Variants in SNRPA observed in about 807,000 individuals in gnomAD.
SNRPA encodes U1 small nuclear ribonucleoprotein A.
SNRPA carries 10 observed loss-of-function variants against 24.5 expected under a neutral mutation model. The observed-to-expected ratio is 0.41, with a 90% CI of 0.25 to 0.69. SNRPA has a LOEUF of 0.69. Ranked by LOEUF, SNRPA falls within the 30% of genes least tolerant of loss-of-function variation. The probability of loss-of-function intolerance (pLI) is 0.33; values close to 1 mark genes in which losing one functional copy is unlikely to be tolerated. For synonymous variants in SNRPA, 165 were observed against 148.4 expected (o/e 1.11, Z -0.81); for missense variants, 283 against 394.7 (o/e 0.72, Z 2.40).
chr19:40,761,814 C>T (rs2082934127), intron 3 of SNRPA, among the ~76,000 whole-genome samples: 1 of 152,014 alleles, frequency 6.6e-6, no homozygotes, highest in African/African-American at 2.4e-5. Flanking sequence ...GTCTAAATGA[C>T]CTTGGTGAGG....
intron 1 of SNRPA, among the ~76,000 whole-genome samples, chr19:40,756,688 G>A (rs1201411512): frequency 6.6e-6 from 1 of 152,020 alleles, no homozygotes; most frequent in Non-Finnish European, 1.5e-5. Context: ...CCTCAGGCAA[G>A]ATAGACAAGT....
Position 40,762,974 on chromosome 19 carries a change from CT to C in SNRPA, c.501del (p.Gly168ValfsTer2), listed in dbSNP as rs751075123. Reference sequence around the variant, plus strand: ...GGCCAGCCGCCCTACATGCCGCCCCCTGGTATGATCCCCCCGCCAGGCCTTG... The same window carrying C: ...GGCCAGCCGCCCTACATGCCGCCCCCGGTATGATCCCCCCGCCAGGCCTTG... The part of the protein sequence containing the change: ...MPGQPPYMPP[P>X]GMIPPPGLAP... On this transcript the variant is annotated frameshift_variant, in exon 4 of 6. Coordinates refer to ENST00000243563, the MANE Select transcript of SNRPA (RefSeq NM_004596.5). LOFTEE classifies it high-confidence loss of function. 5 of 1,613,346 alleles carry C rather than the reference CT, an allele frequency of 3.1e-6. No homozygotes were observed. Among genetic ancestry groups the C allele is most frequent in the Non-Finnish European group, 4.2e-6 (5 of 1,179,578 alleles).
intron 5 of SNRPA, among the ~76,000 whole-genome samples, 179 bp from the exon 6 acceptor site, chr19:40,764,829 T>C (rs1420658239): frequency 3.9e-5 from 6 of 152,220 alleles, no homozygotes; most frequent in Non-Finnish European, 5.9e-5. Flanking sequence ...TTAAATGCTA[T>C]GTTTACATTA....
intron 3 of SNRPA, among the ~76,000 whole-genome samples, chr19:40,760,107 A>G (rs1003050532): frequency 6.7e-6 from 1 of 149,206 alleles, no homozygotes; most frequent in African/African-American, 2.5e-5. Context: ...GCTCACTACA[A>G]CCTCCGCCTC....
chr19:40,759,408 C>A, intron 2 of SNRPA, 23 bp from the exon 3 acceptor site: 2 of 1,594,232 alleles, frequency 1.3e-6, no homozygotes, highest in South Asian at 2.2e-5. Flanking sequence ...CGCTCTTAAC[C>A]CGTTCTGCTC....
chr19:40,762,579 TTTTG>T (rs1048830413), intron 3 of SNRPA, among the ~76,000 whole-genome samples: 5 of 152,066 alleles, frequency 3.3e-5, no homozygotes, highest in Admixed American at 3.3e-4. Flanking sequence ...TCTCCTTTGA[TTTTG>T]TTTAAGAGAC....
Position 40,751,480 on chromosome 19 carries a change from T to C in SNRPA, c.72T>C (p.Asp24=), listed in dbSNP as rs766141575. ...INNLNEKIKK[D]ELKKSLYAIF... ...ACCTCAATGAGAAGATCAAGAAGGA[T>C]GGTGAGTTCTCGGGATAGTCCGGAG... The change falls in exon 1 of 6, where the codon GAT becomes GAC. Residue 24 remains aspartate, a splice_region_variant and synonymous_variant. Transcript: ENST00000243563. The C allele has an allele frequency of 5.2e-5, 84 of 1,611,152 alleles. 1 individual carries two copies. In the East Asian group the frequency reaches 1.9e-3, roughly 36 times the overall value.
At chr19:40,757,123 G>C (rs1225149512) in intron 1 of SNRPA, 1 of 576,406 alleles carries the variant, frequency 1.7e-6, no homozygotes, top group African/African-American at 1.9e-5. Context: ...TCATTATATA[G>C]CAGCTCTCTG....
At chr19:40,755,303 G>A (rs1201890790) in intron 1 of SNRPA, among the ~76,000 whole-genome samples, 1 of 140,486 alleles carries the variant, frequency 7.1e-6, no homozygotes, top group Non-Finnish European at 1.5e-5. Flanking sequence ...TCAAGACGGG[G>A]TTTCACCGTC....
chr19:40,754,016 T>G (rs2082897457), intron 1 of SNRPA, among the ~76,000 whole-genome samples: 1 of 151,342 alleles, frequency 6.6e-6, no homozygotes, highest in Non-Finnish European at 1.5e-5. Flanking sequence ...TTAGCCAGGA[T>G]GGTGTTGATT....
intron 1 of SNRPA, chr19:40,756,934 G>C (rs1302010193): frequency 4.3e-6 from 1 of 230,200 alleles, no homozygotes; most frequent in African/African-American, 2.4e-5. Context: ...GGCCAGTGTG[G>C]TTGGGAACTC....
At chr19:40,763,562 C>T in intron 4 of SNRPA, 25 bp from the exon 5 acceptor site, 1 of 1,602,416 alleles carries the variant, frequency 6.2e-7, no homozygotes. Context: ...CTCTTGTGCT[C>T]ACCGACTCCC....
intron 3 of SNRPA, among the ~76,000 whole-genome samples, chr19:40,761,469 T>TG (rs2082932378): frequency 9.0e-6 from 1 of 110,878 alleles, no homozygotes. Flanking sequence ...TTTTTTTTTT[T>TG]TTTTTTTTTT....
At chr19:40,751,559 C>T in intron 1 of SNRPA, 78 bp downstream of exon 1, 2 of 1,065,234 alleles carry the variant, frequency 1.9e-6, no homozygotes, top group East Asian at 2.4e-5. Flanking sequence ...ACCCGCCTCT[C>T]TTTCTAAGTG....
chr19:40,758,212 C>T (rs1312687241), intron 2 of SNRPA, among the ~76,000 whole-genome samples: 1 of 152,072 alleles, frequency 6.6e-6, no homozygotes, highest in African/African-American at 2.4e-5. Context: ...AGTGATCTGC[C>T]TGCCTCAGCC....
At chr19:40,753,905 C>T (rs1039046624) in intron 1 of SNRPA, among the ~76,000 whole-genome samples, 1 of 149,382 alleles carries the variant, frequency 6.7e-6, no homozygotes, top group African/African-American at 2.5e-5. Context: ...GGGTTCACGC[C>T]ATTCTCCTGC....
At chr19:40,761,042 A>G (rs1484826885) in intron 3 of SNRPA, among the ~76,000 whole-genome samples, 3 of 150,028 alleles carry the variant, frequency 2.0e-5, no homozygotes, top group Non-Finnish European at 4.4e-5. Context: ...GCTCACTGCA[A>G]CCTCTGCCTC....
At chr19:40,753,712 AGT>A (rs2082895837) in intron 1 of SNRPA, among the ~76,000 whole-genome samples, 1 of 150,862 alleles carries the variant, frequency 6.6e-6, no homozygotes, top group Admixed American at 6.6e-5. Flanking sequence ...ATGTTTTTAG[AGT>A]GTGGTGCCCA....
At chr19:40,758,242 C>T (rs770661524) in intron 2 of SNRPA, among the ~76,000 whole-genome samples, 37 of 152,264 alleles carry the variant, frequency 2.4e-4, no homozygotes, top group Non-Finnish European at 4.3e-4. Context: ...GCTAGGATTA[C>T]AGGCGTGAGC....
Sources: allele counts gnomAD v4.1 joint callset (sites outside exome capture counted in the v4.1 genomes callset), GRCh38; gene constraint gnomAD v4.1.1; transcripts MANE v1.5; gene names NCBI Gene and HGNC (gene_info 2026-07-23, HGNC 2026-07-21).